The following BMERB1 variants were observed in gnomAD, a reference collection of about 807,000 sequenced individuals.
BMERB1 encodes the protein bMERB domain-containing protein 1.
Under a neutral mutation model 23.6 loss-of-function variants are expected in BMERB1, and 12 were observed. That is an observed-to-expected ratio of 0.51 (90% confidence interval 0.33 to 0.82). BMERB1 has a LOEUF of 0.82. Ranked by LOEUF, BMERB1 falls within the 40% of genes least tolerant of loss-of-function variation. The pLI is 0.03. For synonymous variants in BMERB1, 122 were observed against 96.6 expected (o/e 1.26, Z -1.54); for missense variants, 247 against 255.4 (o/e 0.97, Z 0.22).
chr16:15,525,744 A>C (rs2051899417), intron 2 of BMERB1, among the ~76,000 whole-genome samples: 1 of 152,074 alleles, frequency 6.6e-6, no homozygotes, highest in Non-Finnish European at 1.5e-5. Flanking sequence ...TAAAGAAAAA[A>C]CAAATAAAAT....
Position 15,461,272 on chromosome 16 carries a change from C to T in BMERB1, c.106+26513C>T, listed in dbSNP as rs531772617. On this transcript the variant is annotated intron_variant, in intron 1 of 5. Coordinates refer to ENST00000300006, the MANE Select transcript of BMERB1 (RefSeq NM_033201.3). ...ACTCCTGGCAGGAGCGACCCCCGGG[C>T]TCAGTTCACCAGGTGAAAGGAACAG... Among the ~76,000 whole-genome samples, 13 of 152,240 alleles carry T rather than the reference C, an allele frequency of 8.5e-5. No homozygotes were observed. In the East Asian group the frequency reaches 2.5e-3, roughly 29 times the overall value.
chr16:15,526,817 C>T (rs866234724), intron 2 of BMERB1, among the ~76,000 whole-genome samples: 36 of 150,508 alleles, frequency 2.4e-4, no homozygotes, highest in Non-Finnish European at 4.3e-4. Flanking sequence ...GCACACGGGG[C>T]CGTCTAAAAG....
In BMERB1 at chr16:15,549,844, GT is replaced by G. The variant is rs563221119; in HGVS notation, c.231-18132del. Among the ~76,000 whole-genome samples the G allele has an allele frequency of 3.9e-3, 594 of 152,146 alleles. 4 individuals are homozygous for G. The highest frequency in any genetic ancestry group is 4.6e-3 in the Non-Finnish European group (315 of 68,002). ...ATTAAAATTGCATAGTTTCTATCAAGTTTTTTTCTTACACTTTCCACAAAAT... is the reference window on the plus strand; with the variant it reads ...ATTAAAATTGCATAGTTTCTATCAAGTTTTTTCTTACACTTTCCACAAAAT... On this transcript the variant is annotated intron_variant, in intron 2 of 5. Coordinates refer to ENST00000300006, the MANE Select transcript of BMERB1 (RefSeq NM_033201.3).
At chr16:15,567,465 T>A (rs1021511772) in intron 2 of BMERB1, among the ~76,000 whole-genome samples, 3 of 152,108 alleles carry the variant, frequency 2.0e-5, no homozygotes, top group Non-Finnish European at 4.4e-5. Context: ...CAGTGACTGA[T>A]GGCCAGGCAC....
intron 1 of BMERB1, among the ~76,000 whole-genome samples, chr16:15,493,136 T>C (rs2051438353): frequency 6.6e-6 from 1 of 152,124 alleles, no homozygotes; most frequent in African/African-American, 2.4e-5. Context: ...GCAGATCACC[T>C]GAGTTCAGGA....
chr16:15,531,781 G>A (rs1030848892), intron 2 of BMERB1, among the ~76,000 whole-genome samples: 5 of 152,186 alleles, frequency 3.3e-5, no homozygotes, highest in Non-Finnish European at 5.9e-5. Flanking sequence ...GATGTGAGTG[G>A]CAGCAGAGAT....
intron 1 of BMERB1, among the ~76,000 whole-genome samples, chr16:15,464,368 C>T (rs192004219): frequency 1.4e-5 from 2 of 147,970 alleles, no homozygotes; most frequent in South Asian, 2.2e-4. Context: ...TGGCTCATAC[C>T]TCCCAGCTCT....
At chr16:15,570,898 T>C (rs916752827) in intron 3 of BMERB1, among the ~76,000 whole-genome samples, 4 of 152,018 alleles carry the variant, frequency 2.6e-5, no homozygotes, top group Admixed American at 6.5e-5. Context: ...ATGGCACTGA[T>C]GGGAGTACCT....
intron 2 of BMERB1, among the ~76,000 whole-genome samples, chr16:15,536,008 T>C (rs1215926868): frequency 6.6e-6 from 1 of 151,978 alleles, no homozygotes; most frequent in African/African-American, 2.4e-5. Context: ...TCCAATCACT[T>C]CCCTCCCTCG....
intron 1 of BMERB1, among the ~76,000 whole-genome samples, chr16:15,488,013 G>A (rs1337664080): frequency 6.6e-6 from 1 of 152,100 alleles, no homozygotes; most frequent in East Asian, 1.9e-4. Context: ...CGTCCTCCTA[G>A]CTCATCCTGT....
chr16:15,540,177 G>C lies in BMERB1; in HGVS notation c.230+24749G>C, dbSNP rs1567491188. On this transcript the variant is annotated intron_variant, in intron 2 of 5. Coordinates refer to ENST00000300006, the MANE Select transcript of BMERB1 (RefSeq NM_033201.3). Reference sequence around the variant, plus strand: ...ATATATATAATTTTCATGTCTTTTAGGAACAATATTAGGTTTGCATTTATG... The same window carrying C: ...ATATATATAATTTTCATGTCTTTTACGAACAATATTAGGTTTGCATTTATG... 3.3e-5 allele frequency among the ~76,000 whole-genome samples: 5 copies of C among 151,986 alleles called. No homozygotes were observed. In the South Asian group the frequency reaches 1.0e-3, roughly 32 times the overall value.
rs532127979 is a variant in BMERB1 at position 15,494,993 on chromosome 16, T to G, written c.107-20312T>G. 4.7e-5 allele frequency among the ~76,000 whole-genome samples: 7 copies of G among 149,428 alleles called. No homozygotes were observed. The South Asian group carries it at 1.5e-3, about 32-fold the overall frequency. ...CTGCCTCCCGGGTTTAAGTGATTCT[T>G]GTGCCTCAGCCTCCAGAGTAGCTGG... is the stretch of plus-strand genomic sequence containing the variant. On this transcript the variant is annotated intron_variant, in intron 1 of 5. Coordinates refer to ENST00000300006, the MANE Select transcript of BMERB1 (RefSeq NM_033201.3).
At chr16:15,462,388 G>C (rs1163924823) in intron 1 of BMERB1, among the ~76,000 whole-genome samples, 1 of 151,920 alleles carries the variant, frequency 6.6e-6, no homozygotes, top group Non-Finnish European at 1.5e-5. Context: ...TCCTGACCTT[G>C]TGATCCGCCC....
chr16:15,569,636 T>C (rs2030674029), intron 3 of BMERB1, among the ~76,000 whole-genome samples: 2 of 152,154 alleles, frequency 1.3e-5, no homozygotes, highest in African/African-American at 4.8e-5. Flanking sequence ...TGGTTGGGGA[T>C]GCAATCATAG....
chr16:15,554,485 T>G (rs1472117869), intron 2 of BMERB1, among the ~76,000 whole-genome samples: 3 of 152,080 alleles, frequency 2.0e-5, no homozygotes, highest in African/African-American at 7.2e-5. Context: ...ACCATATTTA[T>G]GTAATATTTG....
intron 1 of BMERB1, among the ~76,000 whole-genome samples, chr16:15,452,474 C>G (rs931573331): frequency 6.6e-6 from 1 of 152,046 alleles, no homozygotes. Flanking sequence ...ATCAGTCCCA[C>G]TCTTTTGCAT....
chr16:15,567,703 C>T (rs765206250), intron 2 of BMERB1, among the ~76,000 whole-genome samples: 13 of 152,214 alleles, frequency 8.5e-5, no homozygotes, highest in African/African-American at 2.9e-4. Context: ...GTGGAGGTTG[C>T]GGTGAGCCGA....
At chr16:15,484,167 C>T (rs1029158317) in intron 1 of BMERB1, among the ~76,000 whole-genome samples, 1 of 152,160 alleles carries the variant, frequency 6.6e-6, no homozygotes, top group African/African-American at 2.4e-5. Flanking sequence ...GGGATCTGCT[C>T]CCATCATCCA....
intron 1 of BMERB1, among the ~76,000 whole-genome samples, chr16:15,437,697 G>A (rs1336678258): frequency 1.3e-5 from 2 of 152,116 alleles, no homozygotes; most frequent in East Asian, 1.9e-4. Context: ...ATTGGCTCAC[G>A]CCTGCAATCC....
Sources: gnomAD v4.1 joint callset for allele counts (sites outside exome capture counted in the v4.1 genomes callset) on GRCh38, gnomAD v4.1.1 for gene constraint, MANE v1.5 for transcripts, NCBI Gene and HGNC (gene_info 2026-07-23, HGNC 2026-07-21) for gene names.